The following FUT8 variants were observed in gnomAD, a reference collection of about 807,000 sequenced individuals.
FUT8 encodes the protein alpha-(1,6)-fucosyltransferase.
A neutral mutation model predicts 71.3 loss-of-function variants in FUT8; 29 were observed. That is an observed-to-expected ratio of 0.41 (90% CI 0.30 to 0.55). FUT8 has a LOEUF of 0.55. Ranked by LOEUF, FUT8 falls within the 20% of genes least tolerant of loss-of-function variation. The pLI, the probability that FUT8 is intolerant of heterozygous loss-of-function variation, is 0.34. For synonymous variants in FUT8, 254 were observed against 239.3 expected, an observed-to-expected ratio of 1.06 and a Z score of -0.57; for missense variants, 544 against 702.1, an observed-to-expected ratio of 0.77 and a Z score of 2.55.
chr14:65,611,208 C>T (rs1247229431), intron 3 of FUT8, among the ~76,000 whole-genome samples: 2 of 2,162 alleles, frequency 9.3e-4, no homozygotes, highest in African/African-American at 1.4e-3. Flanking sequence ...CGCGCGCGCG[C>T]GCGCGCGCGC....
the FUT8 span, among the ~76,000 whole-genome samples, chr14:65,363,511 T>C: frequency 6.6e-6 from 1 of 152,040 alleles, no homozygotes; most frequent in African/African-American, 2.4e-5. Context: ...TCCGCCTCGG[T>C]TTTCCAAAGT....
At chr14:65,439,976 A>ACG (rs1595378087) in intron 1 of FUT8, among the ~76,000 whole-genome samples, 4 of 137,346 alleles carry the variant, frequency 2.9e-5, no homozygotes, top group East Asian at 2.2e-4. Context: ...ATATATATAT[A>ACG]TATATATATA....
intron 2 of FUT8, among the ~76,000 whole-genome samples, chr14:65,560,470 T>G (rs748261275): frequency 6.6e-6 from 1 of 152,168 alleles, no homozygotes; most frequent in Non-Finnish European, 1.5e-5. Flanking sequence ...TGTGAGTCAC[T>G]GTGGCTGGCC....
chr14:65,513,051 A>G (rs955410287), intron 2 of FUT8, among the ~76,000 whole-genome samples: 3 of 152,144 alleles, frequency 2.0e-5, no homozygotes, highest in African/African-American at 4.8e-5. Flanking sequence ...ATATGTGGAC[A>G]TTGGGTAGCA....
intron 6 of FUT8, among the ~76,000 whole-genome samples, chr14:65,634,780 A>G (rs568248537): frequency 6.6e-6 from 1 of 152,182 alleles, no homozygotes; most frequent in Admixed American, 6.5e-5. Context: ...CTCCAGATTT[A>G]TTCTTTTTGC....
intron 3 of FUT8, among the ~76,000 whole-genome samples, chr14:65,590,865 G>C (rs1887648871): frequency 6.6e-6 from 1 of 152,088 alleles, no homozygotes; most frequent in Non-Finnish European, 1.5e-5. Flanking sequence ...AATTCTCCAT[G>C]GGGAAAATAG....
At chr14:65,445,877 CTTGGCCT>C (rs1288242110) in intron 1 of FUT8, among the ~76,000 whole-genome samples, 1 of 152,246 alleles carries the variant, frequency 6.6e-6, no homozygotes, top group Non-Finnish European at 1.5e-5. Flanking sequence ...ATCCCCCTGC[CTTGGCCT>C]CCCAAAGTGT....
chr14:65,455,318 CAAAGTT>C (rs777415644), intron 1 of FUT8, among the ~76,000 whole-genome samples: 7 of 152,216 alleles, frequency 4.6e-5, no homozygotes, highest in Non-Finnish European at 7.4e-5. Flanking sequence ...AAAAGATAGA[CAAAGTT>C]AAAGAATTTT....
chr14:65,554,349 T>A (rs1207451806), intron 2 of FUT8, among the ~76,000 whole-genome samples: 1 of 150,298 alleles, frequency 6.7e-6, no homozygotes. Context: ...AATATCTGAT[T>A]CATTTAGAAG....
rs1486187741 is a variant in FUT8, at chr14:65,723,479, T to C, written c.1083-668T>C. Among the ~76,000 whole-genome samples, 5 of 152,168 alleles carry C rather than the reference T, an allele frequency of 3.3e-5. No individual in the cohort carries two copies. In the East Asian group the frequency reaches 7.7e-4, roughly 23 times the overall value. On this transcript the variant is annotated intron_variant, in intron 8 of 10. Coordinates refer to ENST00000673929, the MANE Select transcript of FUT8 (RefSeq NM_001371533.1). ...TTAAATATGACAGGTGAAATTAATA[T>C]CTGCTGTCATTTGATATGGTGAAAA... is the stretch of plus-strand genomic sequence containing the variant.
the FUT8 span, among the ~76,000 whole-genome samples, chr14:65,384,895 C>CT: frequency 2.9e-3 from 409 of 142,874 alleles, 4 homozygotes; most frequent in Middle Eastern, 0.015. This position sits in a 1 kb window ranked among gnomAD's most constrained non-coding sequence, Gnocchi z 4.2. Context: ...AGGTTAGATA[C>CT]TTTTTTTTTT....
chr14:65,386,472 C>G, the FUT8 span, among the ~76,000 whole-genome samples: 1 of 146,338 alleles, frequency 6.8e-6, no homozygotes, highest in South Asian at 2.2e-4. Flanking sequence ...CCACTACCCT[C>G]CAGCCTGGGC....
chr14:65,578,146 A>C (rs1886892556), intron 3 of FUT8, among the ~76,000 whole-genome samples: 1 of 152,180 alleles, frequency 6.6e-6, no homozygotes, highest in Non-Finnish European at 1.5e-5. Context: ...TTTATTTAAT[A>C]TAATGTATGA....
At chr14:65,670,559 A>G (rs1029101037) in intron 7 of FUT8, among the ~76,000 whole-genome samples, 9 of 152,268 alleles carry the variant, frequency 5.9e-5, no homozygotes, top group African/African-American at 1.9e-4. Context: ...CTGCACTCAT[A>G]TCTTGTGGGA....
Position 65,439,958 on chromosome 14 carries a change from A to ACG in FUT8, c.-325-15663_-325-15662insCG, listed in dbSNP as rs1369477097. Among the ~76,000 whole-genome samples the ACG allele has an allele frequency of 9.1e-3, 655 of 71,936 alleles. 46 individuals carry two copies. Among genetic ancestry groups the ACG allele is most frequent in the South Asian group, 0.015 (25 of 1,624 alleles). The allele number at this position is 71,936 out of a possible 152,430, so 47.2% of individuals were successfully genotyped here. On this transcript the variant is annotated intron_variant, in intron 1 of 10. Transcript: ENST00000673929. ...AGAAAATGTGTGTGTGTGTGTGTATATATATATATATATATATATATATAT... is the reference window on the plus strand; with the variant it reads ...AGAAAATGTGTGTGTGTGTGTGTATACGTATATATATATATATATATATATAT...
At chr14:65,371,280 T>C in the FUT8 span, among the ~76,000 whole-genome samples, 1 of 152,258 alleles carries the variant, frequency 6.6e-6, no homozygotes, top group African/African-American at 2.4e-5. Context: ...ATTGTTTATC[T>C]GATGCCCTAT....
At chr14:65,457,984 C>A (rs2065917104) in intron 2 of FUT8, 1 of 151,996 alleles carries the variant, frequency 6.6e-6, no homozygotes, top group Admixed American at 6.6e-5. Flanking sequence ...AGATCGAGAC[C>A]ATCCCGGCTA....
At chr14:65,538,359 C>T (rs569072145) in intron 2 of FUT8, among the ~76,000 whole-genome samples, 2 of 152,292 alleles carry the variant, frequency 1.3e-5, no homozygotes, top group East Asian at 3.9e-4. Flanking sequence ...TGTGTGGTAG[C>T]TCCTGAAGGG....
intron 6 of FUT8, among the ~76,000 whole-genome samples, chr14:65,661,913 G>A (rs1301015347): frequency 6.6e-6 from 1 of 152,150 alleles, no homozygotes; most frequent in African/African-American, 2.4e-5. Flanking sequence ...CGTTATGATG[G>A]TGTGTTTACT....
Sources: allele counts gnomAD v4.1 joint callset (sites outside exome capture counted in the v4.1 genomes callset), GRCh38; gene constraint gnomAD v4.1.1; non-coding constraint Gnocchi (gnomAD v3.1); transcripts MANE v1.5; gene names NCBI Gene and HGNC (gene_info 2026-07-23, HGNC 2026-07-21).